The following CDHR2 variants were observed in gnomAD, a reference collection of about 807,000 sequenced individuals.
CDHR2 encodes cadherin related family member 2.
In CDHR2, 104 loss-of-function variants were observed where a neutral mutation model predicts 138.6. That is an observed-to-expected ratio of 0.75 (90% CI 0.64 to 0.88). The LOEUF (loss-of-function observed/expected upper bound fraction) is 0.88, where lower values mean the gene tolerates loss of function less well. CDHR2 is among the 40% of genes least tolerant of loss of function. CDHR2 has a pLI of 0.00. For synonymous variants in CDHR2, 755 were observed against 742.8 expected (o/e 1.02, Z -0.27); for missense variants, 1,624 against 1,727.6 (o/e 0.94, Z 1.06).
rs188561864 is a variant in CDHR2 at position 176,571,727 on chromosome 5, G to T, written c.405+425G>T. On this transcript the variant is annotated intron_variant, in intron 6 of 31. Coordinates refer to ENST00000261944, the MANE Select transcript of CDHR2 (RefSeq NM_017675.6). The stretch of plus-strand genomic sequence containing the variant: ...AATTTTTTGCATTTTTAGTAGAGAC[G>T]GGGTTTCACCGTGTTAGCCAGGATG... Among the ~76,000 whole-genome samples the T allele has an allele frequency of 2.6e-3, 397 of 152,052 alleles. 1 individual carries two copies. Among genetic ancestry groups the T allele is most frequent in the Middle Eastern group, 6.8e-3 (2 of 294 alleles).
chr5:176,556,448 C>T (rs1230717926), intron 1 of CDHR2, among the ~76,000 whole-genome samples: 1 of 152,178 alleles, frequency 6.6e-6, no homozygotes, highest in Non-Finnish European at 1.5e-5. Context: ...GGGCGGATCA[C>T]AAGGTCAGGA....
intron 1 of CDHR2, among the ~76,000 whole-genome samples, chr5:176,564,638 G>C: frequency 6.6e-6 from 1 of 152,136 alleles, no homozygotes; most frequent in Middle Eastern, 3.2e-3. Context: ...TAAGGTCTCT[G>C]TCTGGCTATC....
intron 16 of CDHR2, among the ~76,000 whole-genome samples, chr5:176,580,195 C>T (rs1289763563): frequency 6.6e-6 from 1 of 151,834 alleles, no homozygotes; most frequent in African/African-American, 2.4e-5. Flanking sequence ...CACGCACTCA[C>T]AGACATACAA....
chr5:176,565,859 G>T, intron 3 of CDHR2, 116 bp downstream of exon 3: 1 of 748,066 alleles, frequency 1.3e-6, no homozygotes. Context: ...GTGGGACAAA[G>T]AGGGACTGAA....
In CDHR2 at chr5:176,595,598, C is replaced by T. The variant is rs373675182; in HGVS notation, c.3859C>T (p.Arg1287Trp). ...GCCCCTGAGCGTGGTCCTGTTAGGA[C>T]GGCAGGCAGGCGCAAGTGGACAGCT... ...PEPLSVVLLG[R>W]QAGASGQLEG... Residue 1287 changes from arginine (R) to tryptophan (W), a missense_variant, in exon 32 of 32, where the codon CGG becomes TGG. Transcript: ENST00000261944. 5.0e-5 allele frequency: 80 copies of T among 1,612,998 alleles called. No homozygotes were observed. Among genetic ancestry groups the T allele is most frequent in the Admixed American group, 1.5e-4 (9 of 59,940 alleles).
Position 176,595,540 on chromosome 5 carries a change from G to A in CDHR2, c.3801G>A (p.Arg1267=), listed in dbSNP as rs746847146. The A allele has an allele frequency of 1.4e-5, 23 of 1,601,002 alleles. No individual in the cohort carries two copies. The Admixed American group carries it at 3.9e-4, about 27-fold the overall frequency. The change falls in exon 32 of 32, where the codon AGG becomes AGA. Residue 1267 remains arginine, a synonymous_variant. Coordinates refer to ENST00000261944, the MANE Select transcript of CDHR2 (RefSeq NM_017675.6). ...DKNSQEIKEH[R]PPHTPPEPDP... ...TCTCCCTCTCCCTGCAGGAGCACAG[G>A]CCACCACACACACCACCAGAGCCAG...
intron 16 of CDHR2, among the ~76,000 whole-genome samples, chr5:176,579,909 C>G (rs77366657): frequency 6.6e-6 from 1 of 152,150 alleles, no homozygotes. Flanking sequence ...AGTCACCCAG[C>G]GGTGTCACCT....
intron 14 of CDHR2, 96 bp from the exon 15 acceptor site, chr5:176,577,938 T>G: frequency 6.7e-7 from 1 of 1,501,212 alleles, no homozygotes; most frequent in African/African-American, 1.4e-5. Flanking sequence ...TCTCCCTTTG[T>G]GTGAGGAAGC....
chr5:176,584,433 G>A lies in CDHR2; in HGVS notation c.2152G>A (p.Ala718Thr). Residue 718 changes from alanine (A) to threonine (T), a missense_variant, in exon 19 of 32, where the codon GCC becomes ACC. Physicochemically the swap from Ala to Thr is moderately conservative, Grantham distance 58 (BLOSUM62 0). Transcript: ENST00000261944. ...AGGAGTGCTAGTGGGCGTGGTGAAG[G>A]CCTGGGACGCGGACCAGACGGAAGC... ...DPGVLVGVVK[A>T]WDADQTEANN... 1 of 1,600,470 alleles carries A rather than the reference G, an allele frequency of 6.2e-7. No homozygotes were observed. The highest frequency in any genetic ancestry group is 2.2e-5 in the East Asian group (1 of 44,706).
rs116786975 is a variant in CDHR2 at position 176,584,442 on chromosome 5, G to A, written c.2161G>A (p.Ala721Thr). 1.4e-5 allele frequency: 23 copies of A among 1,602,814 alleles called. No homozygotes were observed. In the East Asian group the frequency reaches 1.8e-4, roughly 12 times the overall value. ...AGTGGGCGTGGTGAAGGCCTGGGAC[G>A]CGGACCAGACGGAAGCCAACAACCG... Reference protein sequence around the residue: ...VLVGVVKAWDADQTEANNRIS... With the variant: ...VLVGVVKAWDTDQTEANNRIS... The change falls in exon 19 of 32, where the codon GCG becomes ACG. Residue 721 changes from alanine to threonine, a missense_variant. Transcript: ENST00000261944.
intron 5 of CDHR2, among the ~76,000 whole-genome samples, chr5:176,569,959 C>CAA (rs67181310): frequency 7.1e-6 from 1 of 141,628 alleles, no homozygotes; most frequent in African/African-American, 2.6e-5. Context: ...GACTCCGTCT[C>CAA]AAAAAAAAAA....
intron 1 of CDHR2, among the ~76,000 whole-genome samples, chr5:176,551,169 T>C (rs1757695962): frequency 6.6e-6 from 1 of 152,188 alleles, no homozygotes; most frequent in African/African-American, 2.4e-5. Flanking sequence ...CCACCACGTC[T>C]GGCTAATTTT....
At chr5:176,591,563 T>C in intron 30 of CDHR2, 79 bp downstream of exon 30, 1 of 990,910 alleles carries the variant, frequency 1.0e-6, no homozygotes, top group East Asian at 2.4e-5. Context: ...ATGGTGTTGG[T>C]GGTGATGATG....
At position 176,575,856 on chromosome 5, in the gene CDHR2, C is replaced by G. The variant is rs1360121187; in HGVS notation, c.960+17C>G. ...CAGGTCACGGTGAGCAAAGGCCCCA[C>G]CACCCCTGTCAGAACCCTGCTCTCT... On this transcript the variant is annotated intron_variant, in intron 11 of 31. Transcript: ENST00000261944. 6.5e-6 allele frequency: 10 copies of G among 1,543,832 alleles called. No individual in the cohort carries two copies. The highest frequency in any genetic ancestry group is 8.8e-6 in the Non-Finnish European group (10 of 1,141,824).
chr5:176,558,261 G>T (rs1409245130), intron 1 of CDHR2, among the ~76,000 whole-genome samples: 2 of 147,234 alleles, frequency 1.4e-5, no homozygotes, highest in Non-Finnish European at 3.0e-5. Context: ...TGTCGCCCAG[G>T]CTGGAGTGCA....
intron 3 of CDHR2, among the ~76,000 whole-genome samples, chr5:176,565,987 C>T (rs551116941): frequency 3.2e-4 from 49 of 152,256 alleles, no homozygotes; most frequent in African/African-American, 1.1e-3. Context: ...CCAAATCATC[C>T]GGCCTCCCCC....
intron 1 of CDHR2, among the ~76,000 whole-genome samples, chr5:176,562,205 T>C (rs1757982920): frequency 6.6e-6 from 1 of 151,868 alleles, no homozygotes. Flanking sequence ...AAAGATTAGA[T>C]TATGTGCAGA....
chr5:176,561,171 C>T (rs115540482), intron 1 of CDHR2, among the ~76,000 whole-genome samples: 2,343 of 152,316 alleles, frequency 0.015, 55 homozygotes, highest in African/African-American at 0.053. Context: ...TAAGCCTCAA[C>T]ACAAACCCCT....
intron 1 of CDHR2, among the ~76,000 whole-genome samples, chr5:176,550,430 C>T (rs1034859334): frequency 3.3e-5 from 5 of 152,168 alleles, no homozygotes; most frequent in South Asian, 2.1e-4. Context: ...CACCCAGGCT[C>T]GGCTGGAGTC....
Sources: gnomAD v4.1 joint callset for allele counts (sites outside exome capture counted in the v4.1 genomes callset) on GRCh38, gnomAD v4.1.1 for gene constraint, MANE v1.5 for transcripts, NCBI Gene and HGNC (gene_info 2026-07-23, HGNC 2026-07-21) for gene names.